SEZ6L: variants seen among roughly 807,000 people sequenced by gnomAD.
SEZ6L encodes seizure 6-like protein.
A neutral mutation model predicts 106.2 loss-of-function variants in SEZ6L; 37 were observed. The ratio of observed to expected loss-of-function variants is 0.35; its 90% CI spans 0.27 to 0.46. SEZ6L has a LOEUF of 0.46. SEZ6L is among the 20% of genes least tolerant of loss of function. The pLI is 1.00. For missense variants in SEZ6L, 1,172 were observed against 1,332.8 expected (o/e 0.88, Z 1.88); for synonymous variants, 541 against 570.4 (o/e 0.95, Z 0.73).
At chr22:26,194,665 A>T (rs1409587960) in intron 1 of SEZ6L, among the ~76,000 whole-genome samples, 1 of 152,184 alleles carries the variant, frequency 6.6e-6, no homozygotes, top group Non-Finnish European at 1.5e-5. Flanking sequence ...AGGAAATAGA[A>T]CACAATTGTC....
At chr22:26,337,423 G>GGAAT (rs1294319391) in intron 9 of SEZ6L, among the ~76,000 whole-genome samples, 13 of 152,208 alleles carry the variant, frequency 8.5e-5, no homozygotes, top group Non-Finnish European at 1.2e-4. Context: ...GTCGGCTTAA[G>GGAAT]GAATATATCT....
chr22:26,366,377 A>G (rs1453682998), intron 13 of SEZ6L, among the ~76,000 whole-genome samples: 1 of 151,742 alleles, frequency 6.6e-6, no homozygotes, highest in Non-Finnish European at 1.5e-5. Context: ...ATCATATATC[A>G]CAATTATGAA....
intron 1 of SEZ6L, among the ~76,000 whole-genome samples, chr22:26,258,381 G>A (rs2079893588): frequency 6.6e-6 from 1 of 152,176 alleles, no homozygotes; most frequent in South Asian, 2.1e-4. Context: ...CCCAGCTGCA[G>A]AATCCAAAAG....
Position 26,380,566 on chromosome 22 carries a change from C to T in SEZ6L, c.*271C>T, listed in dbSNP as rs112693479. 3.0e-4 allele frequency: 116 copies of T among 385,760 alleles called. No individual in the cohort carries two copies. Among genetic ancestry groups the T allele is most frequent in the Non-Finnish European group, 4.8e-4 (101 of 211,992 alleles). 23.9% of individuals were successfully genotyped at this position (385,760 alleles called of 1,614,324 possible). On this transcript the variant is annotated 3_prime_UTR_variant, in exon 17 of 17. Coordinates refer to ENST00000248933, the MANE Select transcript of SEZ6L (RefSeq NM_021115.5). ...GGAAGACTTGCAAAATGGCAAACCG[C>T]GGCAGCAAAAACACAAAACAGCAGA...
chr22:26,363,540 G>A (rs2083704947), intron 12 of SEZ6L, among the ~76,000 whole-genome samples: 1 of 152,232 alleles, frequency 6.6e-6, no homozygotes, highest in African/African-American at 2.4e-5. Context: ...AGATTCTGAA[G>A]TTATGATGAT....
intron 14 of SEZ6L, among the ~76,000 whole-genome samples, chr22:26,374,146 C>T (rs1016903277): frequency 3.3e-5 from 5 of 151,642 alleles, no homozygotes; most frequent in Non-Finnish European, 5.9e-5. Context: ...AACCACTCAC[C>T]GGGACTGTGA....
intron 1 of SEZ6L, among the ~76,000 whole-genome samples, chr22:26,233,309 G>A (rs1427959863): frequency 6.6e-6 from 1 of 152,204 alleles, no homozygotes; most frequent in African/African-American, 2.4e-5. Flanking sequence ...TCCTGTCATG[G>A]GTGGCGTGAT....
At position 26,234,452 on chromosome 22, in the gene SEZ6L, C is replaced by CT. The variant is rs994751091; in HGVS notation, c.95-57946dup. On this transcript the variant is annotated intron_variant, in intron 1 of 16. Transcript: ENST00000248933. ...ATAGAGTGGGTCGGAATTAGCAGAC[C>CT]TTTTTTTTCCTTTCTAATTTATAGC... 3.9e-5 allele frequency among the ~76,000 whole-genome samples: 6 copies of CT among 152,214 alleles called. No individual in the cohort carries two copies. In the East Asian group the frequency reaches 5.8e-4, roughly 15 times the overall value.
intron 9 of SEZ6L, among the ~76,000 whole-genome samples, chr22:26,314,843 A>G (rs912825010): frequency 6.6e-6 from 1 of 152,260 alleles, no homozygotes. Context: ...CTGAGAAGGC[A>G]GCAGAGGTGC....
intron 1 of SEZ6L, among the ~76,000 whole-genome samples, chr22:26,287,429 C>T (rs1414419062): frequency 6.6e-6 from 1 of 151,890 alleles, no homozygotes; most frequent in East Asian, 1.9e-4. Context: ...AGTAGAGCAC[C>T]GACTGTACGT....
intron 1 of SEZ6L, among the ~76,000 whole-genome samples, chr22:26,212,334 A>G (rs1248980011): frequency 1.3e-5 from 2 of 152,154 alleles, no homozygotes; most frequent in Admixed American, 6.5e-5. Context: ...GAGATTCATG[A>G]TATGTTCTCA....
Position 26,189,719 on chromosome 22 carries a change from T to C in SEZ6L, c.94+19956T>C, listed in dbSNP as rs1181148174. On this transcript the variant is annotated intron_variant, in intron 1 of 16. Transcript: ENST00000248933. ...AAGGAACTTGAGCATCCGTGGATCT[T>C]GGCATCCTGGGGGTCCTGGAACGAG... Among the ~76,000 whole-genome samples the C allele has an allele frequency of 2.6e-5, 4 of 152,162 alleles. No homozygotes were observed. In the East Asian group the frequency reaches 7.7e-4, roughly 29 times the overall value.
intron 1 of SEZ6L, among the ~76,000 whole-genome samples, chr22:26,207,669 G>T (rs546777563): frequency 1.3e-5 from 2 of 151,230 alleles, no homozygotes; most frequent in South Asian, 2.1e-4. Flanking sequence ...TTACCTGTTG[G>T]TTTTTTTGCT....
At chr22:26,348,571 A>G (rs1453298814) in intron 11 of SEZ6L, among the ~76,000 whole-genome samples, 5 of 96,956 alleles carry the variant, frequency 5.2e-5, no homozygotes, top group African/African-American at 1.1e-4. Flanking sequence ...GGGAGGAAAG[A>G]AAGAAAGAAA....
At chr22:26,189,104 G>A (rs571437306) in intron 1 of SEZ6L, among the ~76,000 whole-genome samples, 22 of 152,144 alleles carry the variant, frequency 1.4e-4, no homozygotes, top group Non-Finnish European at 1.9e-4. Context: ...CTGAGTCTGG[G>A]AAGGAACAGA....
intron 1 of SEZ6L, among the ~76,000 whole-genome samples, chr22:26,178,505 C>T (rs1163373611): frequency 6.6e-6 from 1 of 152,130 alleles, no homozygotes; most frequent in Non-Finnish European, 1.5e-5. Flanking sequence ...GTAGTAGGGA[C>T]TGGTGATGTT....
At chr22:26,244,596 A>T (rs1486381464) in intron 1 of SEZ6L, 1 of 152,278 alleles carries the variant, frequency 6.6e-6, no homozygotes, top group Non-Finnish European at 1.5e-5. Context: ...AGAATTTGGC[A>T]GGAGTTGAGG....
intron 1 of SEZ6L, among the ~76,000 whole-genome samples, chr22:26,291,838 A>G (rs1405571564): frequency 6.6e-6 from 1 of 152,168 alleles, no homozygotes; most frequent in Non-Finnish European, 1.5e-5. Context: ...CATTCATCAT[A>G]TCAAATATGA....
At position 26,299,103 on chromosome 22, in the gene SEZ6L, G is replaced by T. The variant is rs546700393; in HGVS notation, c.1282G>T (p.Ala428Ser). Reference sequence around the variant, plus strand: ...CCACCTGGGCTATGAGCTCCAGGGCGCTAAGATGCTGACATGCATCAATGC... The same window carrying T: ...CCACCTGGGCTATGAGCTCCAGGGCTCTAAGATGCTGACATGCATCAATGC... ...HCHLGYELQG[A>S]KMLTCINASK... Residue 428 changes from alanine (A) to serine (S), a missense_variant, in exon 5 of 17, where the codon GCT (alanine) becomes TCT (serine). Ala to Ser is a moderately conservative substitution (Grantham distance 99, BLOSUM62 1). This residue lies in a region of SEZ6L where 534 missense variants were observed against 691.0 expected (regional missense o/e 0.77). Transcript: ENST00000248933. The T allele has an allele frequency of 1.9e-6, 3 of 1,604,916 alleles. No homozygotes were observed. Among genetic ancestry groups the T allele is most frequent in the Non-Finnish European group, 2.6e-6 (3 of 1,176,030 alleles).
Sources: gnomAD v4.1 joint callset for allele counts (sites outside exome capture counted in the v4.1 genomes callset) on GRCh38, gnomAD v4.1.1 for gene constraint, gnomAD v4.1.1 regional missense constraint, MANE v1.5 for transcripts, NCBI Gene and HGNC (gene_info 2026-07-23, HGNC 2026-07-21) for gene names.